Variants in TRAM2 observed in about 807,000 individuals in gnomAD.
TRAM2 encodes the protein translocation associated membrane protein 2, also known as translocating chain-associated membrane protein 2.
TRAM2 carries 12 observed loss-of-function variants against 51.0 expected under a neutral mutation model. The ratio of observed to expected loss-of-function variants is 0.24; its 90% CI spans 0.15 to 0.38. The LOEUF (loss-of-function observed/expected upper bound fraction) is 0.38, where lower values mean the gene tolerates loss of function less well. Ranked by LOEUF, TRAM2 falls within the 10% of genes least tolerant of loss-of-function variation. The probability of loss-of-function intolerance (pLI) is 1.00; values close to 1 mark genes in which losing one functional copy is unlikely to be tolerated. For missense variants in TRAM2, 361 were observed against 462.0 expected (o/e 0.78, Z 2.00); for synonymous variants, 175 against 179.4 (o/e 0.98, Z 0.20).
Position 52,561,887 on chromosome 6 carries a change from C to T in TRAM2, c.120+14909G>A, listed in dbSNP as rs114537246. Among the ~76,000 whole-genome samples, 447 of 152,262 alleles carry T rather than the reference C, an allele frequency of 2.9e-3. 3 individuals are homozygous for T. Among genetic ancestry groups the T allele is most frequent in the African/African-American group, 0.01 (432 of 41,544 alleles). On this transcript the variant is annotated intron_variant, in intron 1 of 10. Coordinates refer to ENST00000182527, the MANE Select transcript of TRAM2 (RefSeq NM_012288.4). Reference sequence around the variant, plus strand: ...CCTCCCAAAGTGCTAGGATTACAGGCGTGAGCCACCAGGCCAGCCAAACAG... The same window carrying T: ...CCTCCCAAAGTGCTAGGATTACAGGTGTGAGCCACCAGGCCAGCCAAACAG...
rs767069452 is a variant in TRAM2 at position 52,501,796 on chromosome 6, G to A, written c.*1401C>T. ...TAACCTCAGGTGATCTGCCCACCTC[G>A]ACCTCCCAAAGTGCTGGGATAACAG... On this transcript the variant is annotated 3_prime_UTR_variant, in exon 11 of 11. Transcript: ENST00000182527. The A allele has an allele frequency of 2.0e-5, 3 of 152,142 alleles. No homozygotes were observed. Among genetic ancestry groups the A allele is most frequent in the Non-Finnish European group, 1.5e-5 (1 of 68,052 alleles). The allele number at this position is 152,142 out of a possible 1,614,324, so 9.4% of individuals were successfully genotyped here. A position where few individuals can be genotyped will look rare whatever the true frequency, so the allele number is the denominator to read the frequency against.
In TRAM2 at chr6:52,514,017, T is replaced by TCGTA. The variant is rs1766497575; in HGVS notation, c.411+1985_411+1988dup. Among the ~76,000 whole-genome samples the TCGTA allele has an allele frequency of 4.6e-5, 7 of 152,252 alleles. No homozygotes were observed. In the South Asian group the frequency reaches 1.5e-3, roughly 32 times the overall value. Reference sequence around the variant, plus strand: ...GCTGTCCTGTGCATTAAACGCCATATCGTAGCATCCCTGGCCTCCACCCAC... The same window carrying TCGTA: ...GCTGTCCTGTGCATTAAACGCCATATCGTACGTAGCATCCCTGGCCTCCACCCAC... On this transcript the variant is annotated intron_variant, in intron 4 of 10. Coordinates refer to ENST00000182527, the MANE Select transcript of TRAM2 (RefSeq NM_012288.4).
intron 2 of TRAM2, among the ~76,000 whole-genome samples, chr6:52,519,878 T>C (rs534636787): frequency 4.0e-5 from 6 of 151,854 alleles, no homozygotes; most frequent in African/African-American, 1.4e-4. Context: ...TTAGACTAAG[T>C]TGAATAAGTC....
intron 2 of TRAM2, chr6:52,523,656 G>A (rs1222999219): frequency 6.6e-6 from 1 of 152,216 alleles, no homozygotes; most frequent in African/African-American, 2.4e-5. Flanking sequence ...GGCAATTTCT[G>A]TTGAGATTAC....
At chr6:52,535,983 G>T in intron 1 of TRAM2, 137 bp from the exon 2 acceptor site, 2 of 656,496 alleles carry the variant, frequency 3.0e-6, no homozygotes, top group Non-Finnish European at 5.1e-6. Flanking sequence ...TGCAGAGTTA[G>T]CATTAGTTTT....
At chr6:52,536,481 C>T (rs1348146334) in intron 1 of TRAM2, among the ~76,000 whole-genome samples, 1 of 152,120 alleles carries the variant, frequency 6.6e-6, no homozygotes, top group African/African-American at 2.4e-5. Context: ...TATGAATGGC[C>T]AAATCAGTAC....
In TRAM2 at chr6:52,526,500, C is replaced by T. The variant is rs1348633049; in HGVS notation, c.184+9283G>A. The stretch of plus-strand genomic sequence containing the variant: ...CTCCCAGGCTCAAGCGATTCTTGTG[C>T]CTCGGCCTCCTGAGTAGCTGGAATT... On this transcript the variant is annotated intron_variant, in intron 2 of 10. Transcript: ENST00000182527. Among the ~76,000 whole-genome samples the T allele has an allele frequency of 2.0e-5, 3 of 152,232 alleles. No homozygotes were observed. The East Asian group carries it at 5.8e-4, about 29-fold the overall frequency.
chr6:52,516,896 A>G (rs752780585), intron 2 of TRAM2, 159 bp from the exon 3 acceptor site: 290 of 627,268 alleles, frequency 4.6e-4, no homozygotes, highest in Non-Finnish European at 5.7e-4. Flanking sequence ...AATCCTGCCC[A>G]CCCTCTGGTC....
intron 1 of TRAM2, 146 bp downstream of exon 1, chr6:52,576,650 A>C: frequency 1.8e-6 from 2 of 1,085,256 alleles, no homozygotes; most frequent in Non-Finnish European, 2.6e-6. Flanking sequence ...CCGGAGGGGT[A>C]CAGTGCACAA....
chr6:52,557,302 G>C (rs1264208163), intron 1 of TRAM2, among the ~76,000 whole-genome samples: 1 of 152,146 alleles, frequency 6.6e-6, no homozygotes, highest in Non-Finnish European at 1.5e-5. Flanking sequence ...TAATGACAGA[G>C]ACAATACTCA....
chr6:52,526,172 C>T (rs773919722), intron 2 of TRAM2, among the ~76,000 whole-genome samples: 2 of 81,964 alleles, frequency 2.4e-5, no homozygotes, highest in Non-Finnish European at 5.4e-5. Flanking sequence ...CACACACACA[C>T]ACACACACAC....
At chr6:52,507,320 G>C (rs1766367628) in intron 7 of TRAM2, among the ~76,000 whole-genome samples, 1 of 152,182 alleles carries the variant, frequency 6.6e-6, no homozygotes, top group Non-Finnish European at 1.5e-5. Context: ...ACTGTGTTAT[G>C]GTGTTCATCA....
intron 1 of TRAM2, among the ~76,000 whole-genome samples, chr6:52,542,261 G>GTTTTTT (rs139806290): frequency 1.1e-5 from 1 of 89,570 alleles, no homozygotes; most frequent in East Asian, 2.6e-4. Flanking sequence ...GAGATTTTTG[G>GTTTTTT]GTTTTTTTTT....
intron 1 of TRAM2, among the ~76,000 whole-genome samples, chr6:52,570,680 C>G (rs545273547): frequency 2.6e-5 from 4 of 151,910 alleles, no homozygotes; most frequent in African/African-American, 9.7e-5. Context: ...TGAGGAAAGC[C>G]GTCACGAGGC....
rs1440283622 is a variant in TRAM2, at chr6:52,497,771, G to T, written c.*5426C>A. The T allele has an allele frequency of 6.6e-6, 1 of 152,596 alleles. No individual in the cohort carries two copies. Among genetic ancestry groups the T allele is most frequent in the East Asian group, 1.9e-4 (1 of 5,196 alleles). The allele number at this position is 152,596 out of a possible 1,614,324, so 9.5% of individuals were successfully genotyped here. ...TTTTTAAACAGAGGAACCGAAAAAT[G>T]AGGTTTACAGTCTCATCACATGAAC... On this transcript the variant is annotated 3_prime_UTR_variant, in exon 11 of 11. Transcript: ENST00000182527.
rs775641864 is a variant in TRAM2, at chr6:52,576,916, G to C, written c.-1C>G. 12 of 1,610,664 alleles carry C rather than the reference G, an allele frequency of 7.5e-6. No homozygotes were observed. Among genetic ancestry groups the C allele is most frequent in the Non-Finnish European group, 1.0e-5 (12 of 1,178,672 alleles). ...TTTTCGTCCTCCTGCGGAAAGCCATGGCAGCGGGCGCGCAGCGGCCGGCGG... is the reference window on the plus strand; with the variant it reads ...TTTTCGTCCTCCTGCGGAAAGCCATCGCAGCGGGCGCGCAGCGGCCGGCGG... On this transcript the variant is annotated 5_prime_UTR_variant, in exon 1 of 11. Transcript: ENST00000182527.
At chr6:52,548,705 C>T (rs1767254322) in intron 1 of TRAM2, among the ~76,000 whole-genome samples, 1 of 152,248 alleles carries the variant, frequency 6.6e-6, no homozygotes, top group South Asian at 2.1e-4. Flanking sequence ...ACCATGCTAC[C>T]TGAACGATGT....
At chr6:52,507,909 T>C (rs1454469047) in intron 6 of TRAM2, among the ~76,000 whole-genome samples, 2 of 152,064 alleles carry the variant, frequency 1.3e-5, no homozygotes, top group Non-Finnish European at 2.9e-5. Context: ...TTGGAAATAA[T>C]TCAGAAGGAA....
At chr6:52,548,324 T>G (rs1462771469) in intron 1 of TRAM2, among the ~76,000 whole-genome samples, 7 of 152,194 alleles carry the variant, frequency 4.6e-5, no homozygotes, top group Admixed American at 3.9e-4. Flanking sequence ...CCAGGCAAGG[T>G]AAAGGCATTT....
Sources: allele counts gnomAD v4.1 joint callset (sites outside exome capture counted in the v4.1 genomes callset), GRCh38; gene constraint gnomAD v4.1.1; transcripts MANE v1.5; gene names NCBI Gene and HGNC (gene_info 2026-07-23, HGNC 2026-07-21).